TANC2: variants seen among roughly 807,000 people sequenced by gnomAD.
TANC2 encodes tetratricopeptide repeat, ankyrin repeat and coiled-coil containing 2.
TANC2 carries 26 observed loss-of-function variants against 210.5 expected under a neutral mutation model. The observed-to-expected ratio is 0.12, with a 90% CI of 0.09 to 0.17. TANC2 has a LOEUF of 0.17. Ranked by LOEUF, TANC2 falls within the 10% of genes least tolerant of loss-of-function variation. The pLI, the probability that TANC2 is intolerant of heterozygous loss-of-function variation, is 1.00. For synonymous variants in TANC2, 931 were observed against 967.1 expected (o/e 0.96, Z 0.69); for missense variants, 2,129 against 2,608.9 (o/e 0.82, Z 4.01).
At chr17:63,241,010 A>C (rs2042759414) in intron 8 of TANC2, among the ~76,000 whole-genome samples, 1 of 152,214 alleles carries the variant, frequency 6.6e-6, no homozygotes, top group Admixed American at 6.5e-5. Context: ...TGAACTAATG[A>C]ATGAATATAT....
At chr17:63,172,764 CAT>C (rs952903553) in intron 5 of TANC2, among the ~76,000 whole-genome samples, 6 of 152,032 alleles carry the variant, frequency 3.9e-5, no homozygotes, top group African/African-American at 1.2e-4. Context: ...ATATAAATAA[CAT>C]ATGTTCTCTC....
At chr17:63,391,965 G>A (rs1286002448) in intron 17 of TANC2, among the ~76,000 whole-genome samples, 16 of 152,108 alleles carry the variant, frequency 1.1e-4, no homozygotes, top group Non-Finnish European at 2.2e-4. Context: ...GACCTCAGGT[G>A]ATCCACCCAC....
intron 3 of TANC2, among the ~76,000 whole-genome samples, chr17:63,098,831 AG>A: frequency 6.6e-6 from 1 of 151,346 alleles, no homozygotes; most frequent in Non-Finnish European, 1.5e-5. Flanking sequence ...CTTGCTAAGC[AG>A]ATAAATACCT....
intron 4 of TANC2, among the ~76,000 whole-genome samples, chr17:63,120,274 C>T (rs537982916): frequency 2.2e-3 from 333 of 152,012 alleles, no homozygotes; most frequent in Non-Finnish European, 3.7e-3. Flanking sequence ...ATAGACCTCC[C>T]TATTTTAAGA....
At chr17:63,112,930 A>G (rs1319472662) in intron 4 of TANC2, among the ~76,000 whole-genome samples, 3 of 152,152 alleles carry the variant, frequency 2.0e-5, no homozygotes, top group Non-Finnish European at 4.4e-5. Flanking sequence ...AAAACTCACC[A>G]TGATTTATGC....
intron 7 of TANC2, among the ~76,000 whole-genome samples, chr17:63,231,920 A>C (rs1301126837): frequency 6.6e-6 from 1 of 152,158 alleles, no homozygotes; most frequent in Non-Finnish European, 1.5e-5. Context: ...GTCTTTTTAC[A>C]TAATCCCATA....
intron 2 of TANC2, among the ~76,000 whole-genome samples, chr17:63,037,357 C>T (rs567959893): frequency 6.6e-6 from 1 of 152,050 alleles, no homozygotes; most frequent in East Asian, 1.9e-4. Flanking sequence ...TAATTTAAAA[C>T]TTATGAATTG....
intron 7 of TANC2, among the ~76,000 whole-genome samples, chr17:63,217,017 AATTAAAT>A (rs2042044335): frequency 6.6e-6 from 1 of 152,254 alleles, no homozygotes; most frequent in African/African-American, 2.4e-5. Flanking sequence ...CAATATTTTA[AATTAAAT>A]ATCAGTGAAA....
intron 9 of TANC2, among the ~76,000 whole-genome samples, chr17:63,269,541 C>T (rs187012942): frequency 2.4e-3 from 364 of 152,216 alleles, no homozygotes; most frequent in Non-Finnish European, 3.5e-3. Flanking sequence ...AACATACTGA[C>T]ATTGTTGACT....
chr17:63,007,221 CCT>C (rs1000467465), intron 1 of TANC2, among the ~76,000 whole-genome samples: 1 of 152,012 alleles, frequency 6.6e-6, no homozygotes, highest in African/African-American at 2.4e-5. Context: ...AACATGAGAC[CCT>C]GTCTCAATAT....
chr17:63,222,473 A>C (rs1332056240), intron 7 of TANC2, among the ~76,000 whole-genome samples: 1 of 152,230 alleles, frequency 6.6e-6, no homozygotes, highest in Non-Finnish European at 1.5e-5. Context: ...AAAAGACTGC[A>C]TACTGTATGA....
chr17:63,375,051 T>TTCAAAAAGTGAG (rs2047383802), intron 14 of TANC2, among the ~76,000 whole-genome samples: 1 of 152,146 alleles, frequency 6.6e-6, no homozygotes, highest in South Asian at 2.1e-4. Context: ...AAGCTCCAAC[T>TTCAAAAAGTGAG]TCAAAAAGTG....
At chr17:63,343,154 G>A (rs893104681) in intron 12 of TANC2, among the ~76,000 whole-genome samples, 10 of 151,616 alleles carry the variant, frequency 6.6e-5, no homozygotes, top group South Asian at 4.1e-4. Context: ...AATGGGCTAA[G>A]CACTTATATT....
intron 2 of TANC2, among the ~76,000 whole-genome samples, chr17:63,054,558 T>TTG (rs1316400503): frequency 4.0e-5 from 6 of 151,534 alleles, no homozygotes; most frequent in Non-Finnish European, 7.4e-5. Flanking sequence ...TTTTTTTTTT[T>TTG]TTTTAGTAGA....
chr17:63,032,378 C>A (rs2034807604), intron 2 of TANC2, among the ~76,000 whole-genome samples: 1 of 152,048 alleles, frequency 6.6e-6, no homozygotes, highest in South Asian at 2.1e-4. Flanking sequence ...CAGTGCAAAT[C>A]ATCTATGGTA....
intron 2 of TANC2, among the ~76,000 whole-genome samples, chr17:63,024,556 T>C (rs1164258592): frequency 1.3e-5 from 2 of 152,318 alleles, no homozygotes; most frequent in East Asian, 3.9e-4. Flanking sequence ...TATCTCATTC[T>C]GTGATTAAGA....
At chr17:63,375,129 G>A (rs992342929) in intron 14 of TANC2, among the ~76,000 whole-genome samples, 1 of 152,202 alleles carries the variant, frequency 6.6e-6, no homozygotes, top group Non-Finnish European at 1.5e-5. Context: ...CAGTGCTCAA[G>A]ATGTCACCAT....
At chr17:63,210,019 A>G (rs1171091205) in intron 7 of TANC2, among the ~76,000 whole-genome samples, 1 of 152,228 alleles carries the variant, frequency 6.6e-6, no homozygotes, top group Non-Finnish European at 1.5e-5. Context: ...AAATAAATCA[A>G]CTTATTTTCT....
At chr17:63,065,305 T>C (rs2036156496) in intron 2 of TANC2, among the ~76,000 whole-genome samples, 1 of 152,232 alleles carries the variant, frequency 6.6e-6, no homozygotes, top group South Asian at 2.1e-4. Flanking sequence ...CATTCATTGG[T>C]TGATGAACAC....
Sources: allele counts gnomAD v4.1 joint callset (sites outside exome capture counted in the v4.1 genomes callset), GRCh38; gene constraint gnomAD v4.1.1; transcripts MANE v1.5; gene names NCBI Gene and HGNC (gene_info 2026-07-23, HGNC 2026-07-21).